The following CDK15 variants were observed in gnomAD, a reference collection of about 807,000 sequenced individuals.
The protein encoded by CDK15 is cyclin-dependent kinase 15.
Under a neutral mutation model 60.3 loss-of-function variants are expected in CDK15, and 62 were observed. The observed-to-expected ratio is 1.03, with a 90% CI of 0.84 to 1.27. CDK15 has a LOEUF of 1.27. Among genes scored for constraint, CDK15 ranks in the 50% most tolerant of loss-of-function variants. The pLI is 0.00. For synonymous variants in CDK15, 194 were observed against 195.7 expected (o/e 0.99, Z 0.07); for missense variants, 541 against 527.8 (o/e 1.03, Z -0.25).
intron 4 of CDK15, among the ~76,000 whole-genome samples, chr2:201,821,014 G>A (rs1696198608): frequency 6.6e-6 from 1 of 152,078 alleles, no homozygotes; most frequent in African/African-American, 2.4e-5. Flanking sequence ...GGCTGGTAGG[G>A]CATAAGCAAT....
chr2:201,888,857 T>C (rs1699549804), intron 12 of CDK15: 15 of 1,061,788 alleles, frequency 1.4e-5, no homozygotes, highest in Non-Finnish European at 1.7e-5. Context: ...CCCCAAATGG[T>C]TTGGATTTGA....
chr2:201,844,437 C>T (rs1033627242), intron 8 of CDK15, among the ~76,000 whole-genome samples: 3 of 152,016 alleles, frequency 2.0e-5, no homozygotes, highest in African/African-American at 4.8e-5. Context: ...CTTTTATTTG[C>T]CTTCATATAT....
rs200341107 is a variant in CDK15 at position 201,847,352 on chromosome 2, T to C, written c.852-29T>C. 576 of 1,583,054 alleles carry C rather than the reference T, an allele frequency of 3.6e-4. 6 individuals carry two copies. In the African/African-American group the frequency reaches 6.9e-3, roughly 19 times the overall value. The stretch of plus-strand genomic sequence containing the variant: ...TTCGCTTGTATGATTTCTTTCAAAG[T>C]GTCAATTTACTCTTATTTCATTTGC... On this transcript the variant is annotated intron_variant, in intron 8 of 13. Transcript: ENST00000652192.
At chr2:201,876,671 G>A (rs1447053530) in intron 11 of CDK15, 2 of 830,236 alleles carry the variant, frequency 2.4e-6, no homozygotes, top group Non-Finnish European at 1.7e-6. Context: ...ACAACCCTGT[G>A]GGGAGGGTGA....
At chr2:201,873,976 C>T (rs1226843290) in intron 11 of CDK15, among the ~76,000 whole-genome samples, 1 of 149,190 alleles carries the variant, frequency 6.7e-6, no homozygotes, top group Non-Finnish European at 1.5e-5. Flanking sequence ...ATCGCTTGAA[C>T]CCGGGAGGCG....
At chr2:201,871,290 G>A (rs1698843442) in intron 10 of CDK15, among the ~76,000 whole-genome samples, 1 of 151,968 alleles carries the variant, frequency 6.6e-6, no homozygotes, top group Admixed American at 6.6e-5. Flanking sequence ...CTTTCAAGTA[G>A]CTGGGACTAT....
At chr2:201,870,301 T>C (rs1258511184) in intron 10 of CDK15, among the ~76,000 whole-genome samples, 2 of 152,174 alleles carry the variant, frequency 1.3e-5, no homozygotes, top group Non-Finnish European at 2.9e-5. Context: ...CATGCCAACA[T>C]GAACAGATGA....
chr2:201,876,381 G>C, intron 11 of CDK15: 1 of 360,300 alleles, frequency 2.8e-6, no homozygotes, highest in Non-Finnish European at 5.5e-6. Flanking sequence ...CTCAATGTGC[G>C]ATAGCAAGGC....
intron 10 of CDK15, among the ~76,000 whole-genome samples, chr2:201,868,318 T>A (rs376676210): frequency 7.2e-5 from 11 of 152,214 alleles, no homozygotes; most frequent in East Asian, 5.8e-4. Context: ...ATCCCTCTTC[T>A]GCAGGTGGGA....
intron 9 of CDK15, among the ~76,000 whole-genome samples, chr2:201,849,465 G>A (rs1697810630): frequency 2.0e-5 from 3 of 151,606 alleles, no homozygotes; most frequent in African/African-American, 7.3e-5. Context: ...ATTTAATCAG[G>A]AAACAACACT....
chr2:201,882,901 G>A lies in CDK15; in HGVS notation c.1198+2734G>A, dbSNP rs13425892. On this transcript the variant is annotated intron_variant, in intron 12 of 13. Transcript: ENST00000652192. This position sits in a 1 kb window ranked among gnomAD's most constrained non-coding sequence, Gnocchi z 4.0. ...TGCGGTCCTTGGCCTGGCAGTGCCA[G>A]CCTGCTTTTTCATTGCCCCTGGCAA... Among the ~76,000 whole-genome samples, 13,930 of 152,186 alleles carry A rather than the reference G, an allele frequency of 0.092. 1,091 individuals are homozygous for A. Among genetic ancestry groups the A allele is most frequent in the African/African-American group, 0.21 (8,588 of 41,496 alleles).
chr2:201,886,097 G>A (rs568824014), intron 12 of CDK15, among the ~76,000 whole-genome samples: 3 of 152,110 alleles, frequency 2.0e-5, no homozygotes, highest in Non-Finnish European at 4.4e-5. Context: ...CCAGTTCTGT[G>A]CTCCTCCCAC....
chr2:201,861,130 CA>C (rs1698375644), intron 10 of CDK15: 2 of 1,036,016 alleles, frequency 1.9e-6, no homozygotes, highest in Admixed American at 5.1e-5. Flanking sequence ...ACTGTAAGTC[CA>C]AGCTCCCCCT....
At chr2:201,877,968 C>T (rs1699141931) in intron 11 of CDK15, among the ~76,000 whole-genome samples, 1 of 152,188 alleles carries the variant, frequency 6.6e-6, no homozygotes, top group African/African-American at 2.4e-5. Flanking sequence ...TGCATCATGG[C>T]ACCTGGAAGG....
At chr2:201,850,055 C>G (rs1462076444) in intron 9 of CDK15, among the ~76,000 whole-genome samples, 1 of 152,182 alleles carries the variant, frequency 6.6e-6, no homozygotes, top group Non-Finnish European at 1.5e-5. Flanking sequence ...AAACTCCTGA[C>G]CTCGTGATCC....
chr2:201,864,399 C>A (rs1287509428), intron 10 of CDK15, among the ~76,000 whole-genome samples: 2 of 152,182 alleles, frequency 1.3e-5, no homozygotes, highest in South Asian at 4.1e-4. Flanking sequence ...CTCACTGCAA[C>A]CTCCGCCTCC....
At position 201,833,823 on chromosome 2, in the gene CDK15, T is replaced by A. The variant is rs1346952105; in HGVS notation, c.607-25T>A. ...CAGCACGTGGTGGCTCAAATCTCCT[T>A]ATGGATAGTGTTTCTTCCTTCCAGC... is the stretch of plus-strand genomic sequence containing the variant. On this transcript the variant is annotated intron_variant, in intron 6 of 13. Transcript: ENST00000652192. 1.9e-6 allele frequency: 3 copies of A among 1,611,320 alleles called. No individual in the cohort carries two copies. The African/African-American group carries it at 4.0e-5, about 22-fold the overall frequency.
intron 10 of CDK15, among the ~76,000 whole-genome samples, chr2:201,861,877 T>C (rs992376289): frequency 3.3e-5 from 5 of 152,252 alleles, no homozygotes; most frequent in Admixed American, 3.3e-4. Context: ...TTACACAGTG[T>C]GGAAGTTCAG....
At chr2:201,833,495 G>A (rs1167044310) in intron 6 of CDK15, among the ~76,000 whole-genome samples, 3 of 151,898 alleles carry the variant, frequency 2.0e-5, no homozygotes, top group Non-Finnish European at 4.4e-5. Flanking sequence ...CATCGGTGGG[G>A]AAAAAAATTA....
Sources: gnomAD v4.1 joint callset for allele counts (sites outside exome capture counted in the v4.1 genomes callset) on GRCh38, gnomAD v4.1.1 for gene constraint, Gnocchi (gnomAD v3.1) non-coding constraint, MANE v1.5 for transcripts, NCBI Gene and HGNC (gene_info 2026-07-23, HGNC 2026-07-21) for gene names.